The following RABGAP1L variants were observed in gnomAD, a reference collection of about 807,000 sequenced individuals.
RABGAP1L encodes the protein RAB GTPase activating protein 1 like.
RABGAP1L carries 63 observed loss-of-function variants against 137.7 expected under a neutral mutation model. The observed-to-expected ratio is 0.46, with a 90% confidence interval of 0.37 to 0.56. The LOEUF (loss-of-function observed/expected upper bound fraction) is 0.56. Among genes scored for constraint, RABGAP1L ranks in the 20% least tolerant of loss-of-function variants. RABGAP1L has a pLI of 0.00. For missense variants in RABGAP1L, 1,095 were observed against 1,244.0 expected (o/e 0.88, Z 1.80); for synonymous variants, 431 against 433.7 (o/e 0.99, Z 0.08).
intron 18 of RABGAP1L, among the ~76,000 whole-genome samples, chr1:174,773,385 A>T (rs1686277733): frequency 6.6e-6 from 1 of 152,194 alleles, no homozygotes; most frequent in Non-Finnish European, 1.5e-5. Context: ...AAATAAATAA[A>T]TAAAAGCCAG....
At chr1:174,545,095 A>G (rs1453549013) in intron 13 of RABGAP1L, 13 of 152,578 alleles carry the variant, frequency 8.5e-5, no homozygotes, top group African/African-American at 2.7e-4. Flanking sequence ...TCAGGTCCCA[A>G]ACTACATGCT....
chr1:174,374,123 T>C (rs776247249), intron 12 of RABGAP1L, among the ~76,000 whole-genome samples: 3 of 152,208 alleles, frequency 2.0e-5, no homozygotes, highest in Non-Finnish European at 2.9e-5. Context: ...ATTGATAGTA[T>C]TGGATGTAAT....
At chr1:174,910,567 AG>A (rs1659897424) in intron 19 of RABGAP1L, among the ~76,000 whole-genome samples, 1 of 152,174 alleles carries the variant, frequency 6.6e-6, no homozygotes, top group Non-Finnish European at 1.5e-5. Context: ...CACAGCAATT[AG>A]GCAAAGGAAA....
intron 13 of RABGAP1L, among the ~76,000 whole-genome samples, chr1:174,619,664 A>T (rs28753158): frequency 2.6e-5 from 4 of 151,748 alleles, no homozygotes; most frequent in African/African-American, 7.3e-5. Context: ...AGGAACAAAC[A>T]GTACCAGCCA....
chr1:174,318,678 T>C (rs930608715), intron 11 of RABGAP1L, among the ~76,000 whole-genome samples: 11 of 150,882 alleles, frequency 7.3e-5, no homozygotes, highest in African/African-American at 2.4e-4. Context: ...CTTACTCTCT[T>C]TTAATCTTCC....
intron 17 of RABGAP1L, among the ~76,000 whole-genome samples, chr1:174,723,105 G>T (rs75221063): frequency 3.3e-5 from 5 of 151,548 alleles, no homozygotes; most frequent in African/African-American, 4.9e-5. Context: ...AGGAGTTTTC[G>T]CTCTTGTTGC....
chr1:174,236,522 A>G (rs1330232006), intron 4 of RABGAP1L, among the ~76,000 whole-genome samples: 4 of 149,772 alleles, frequency 2.7e-5, no homozygotes, highest in African/African-American at 9.8e-5. Context: ...TCATTTCGTT[A>G]TGTACCCAGT....
At chr1:174,796,409 G>A (rs1386957790) in intron 18 of RABGAP1L, among the ~76,000 whole-genome samples, 1 of 152,198 alleles carries the variant, frequency 6.6e-6, no homozygotes, top group Non-Finnish European at 1.5e-5. Flanking sequence ...ACTGAAATGA[G>A]TGATGCTTTT....
At chr1:174,889,702 G>A (rs775961413) in intron 19 of RABGAP1L, among the ~76,000 whole-genome samples, 10 of 151,972 alleles carry the variant, frequency 6.6e-5, no homozygotes, top group Non-Finnish European at 1.5e-4. Context: ...TAGTGCTGGG[G>A]TTGCAGGCAT....
At chr1:174,933,718 C>A (rs531404638) in intron 19 of RABGAP1L, among the ~76,000 whole-genome samples, 1 of 152,184 alleles carries the variant, frequency 6.6e-6, no homozygotes, top group South Asian at 2.1e-4. Context: ...TGTTTGAGAC[C>A]CTCTATCCAA....
chr1:174,709,814 T>C (rs1680343298), intron 17 of RABGAP1L, among the ~76,000 whole-genome samples: 1 of 152,160 alleles, frequency 6.6e-6, no homozygotes, highest in African/African-American at 2.4e-5. Flanking sequence ...TAGAACTGGA[T>C]GGAGAATGAG....
intron 13 of RABGAP1L, among the ~76,000 whole-genome samples, chr1:174,588,370 G>C (rs1157083967): frequency 1.3e-5 from 2 of 151,784 alleles, no homozygotes; most frequent in Non-Finnish European, 2.9e-5. Context: ...TCATCATGTT[G>C]GCCAGGCTAG....
chr1:174,465,571 T>G (rs1400644467), intron 13 of RABGAP1L, among the ~76,000 whole-genome samples: 2 of 152,154 alleles, frequency 1.3e-5, no homozygotes, highest in African/African-American at 4.8e-5. Flanking sequence ...GATAAACTCT[T>G]TTCTCATAGA....
At chr1:174,431,435 T>C (rs1357477281) in intron 13 of RABGAP1L, among the ~76,000 whole-genome samples, 3 of 152,228 alleles carry the variant, frequency 2.0e-5, no homozygotes, top group African/African-American at 7.2e-5. Context: ...TCCTGTGTTA[T>C]TTTTAAGTGT....
chr1:174,460,505 G>A (rs1162964990), intron 13 of RABGAP1L, among the ~76,000 whole-genome samples: 2 of 151,780 alleles, frequency 1.3e-5, no homozygotes, highest in East Asian at 1.9e-4. Context: ...ATTGCATATT[G>A]TTTATGAACA....
intron 13 of RABGAP1L, among the ~76,000 whole-genome samples, chr1:174,484,629 A>G (rs1283974200): frequency 1.3e-5 from 2 of 152,206 alleles, no homozygotes; most frequent in Admixed American, 6.5e-5. Flanking sequence ...AGTTTTCCCA[A>G]CAACATTTAT....
chr1:174,982,114 T>C (rs1671187248), intron 23 of RABGAP1L, among the ~76,000 whole-genome samples: 1 of 152,226 alleles, frequency 6.6e-6, no homozygotes, highest in African/African-American at 2.4e-5. Flanking sequence ...TCTGGTCATT[T>C]TAACTTTGTT....
chr1:174,668,221 C>T (rs569466963), intron 14 of RABGAP1L, among the ~76,000 whole-genome samples: 1 of 152,270 alleles, frequency 6.6e-6, no homozygotes, highest in South Asian at 2.1e-4. Flanking sequence ...ACCTATCTAA[C>T]TATAATTATG....
chr1:174,250,863 C>A (rs1047225835), intron 6 of RABGAP1L, among the ~76,000 whole-genome samples: 1 of 152,164 alleles, frequency 6.6e-6, no homozygotes, highest in African/African-American at 2.4e-5. Context: ...TGCAATGGCA[C>A]GATCTCGACT....
Sources: allele counts gnomAD v4.1 joint callset (sites outside exome capture counted in the v4.1 genomes callset), GRCh38; gene constraint gnomAD v4.1.1; transcripts MANE v1.5; gene names NCBI Gene and HGNC (gene_info 2026-07-23, HGNC 2026-07-21).